The following DPP6 variants were observed in gnomAD, a reference collection of about 807,000 sequenced individuals.
DPP6 encodes the protein A-type potassium channel modulatory protein DPP6.
In DPP6, 69 loss-of-function variants were observed where a neutral mutation model predicts 122.6. That is an observed-to-expected ratio of 0.56 (90% CI 0.46 to 0.69). DPP6 has a LOEUF of 0.69. DPP6 is among the 30% of genes least tolerant of loss of function. The probability of loss-of-function intolerance (pLI) is 0.00; values close to 1 mark genes in which losing one functional copy is unlikely to be tolerated. For missense variants in DPP6, 928 were observed against 1,116.9 expected, an observed-to-expected ratio of 0.83 and a Z score of 2.41; for synonymous variants, 418 against 433.1, an observed-to-expected ratio of 0.97 and a Z score of 0.43.
chr7:154,549,985 A>G (rs1397379665), intron 4 of DPP6, among the ~76,000 whole-genome samples: 1 of 152,244 alleles, frequency 6.6e-6, no homozygotes, highest in Non-Finnish European at 1.5e-5. Context: ...TCCTTTATTT[A>G]TAATTTTTAG....
At chr7:153,993,835 AC>A (rs761401361) in intron 1 of DPP6, among the ~76,000 whole-genome samples, 2 of 152,188 alleles carry the variant, frequency 1.3e-5, no homozygotes, top group Non-Finnish European at 2.9e-5. Context: ...TTTCCCAGCC[AC>A]CCAGTACATC....
intron 4 of DPP6, among the ~76,000 whole-genome samples, chr7:154,553,206 A>G (rs1216104644): frequency 1.3e-5 from 2 of 152,248 alleles, no homozygotes; most frequent in East Asian, 1.9e-4. Context: ...GGCTTTGAAG[A>G]CACAGGAGAA....
chr7:153,877,609 G>A, the DPP6 span, among the ~76,000 whole-genome samples: 1 of 152,140 alleles, frequency 6.6e-6, no homozygotes, highest in African/African-American at 2.4e-5. Context: ...TATGTTGACT[G>A]AAATGTTATG....
chr7:154,183,185 A>T (rs1318692194), intron 1 of DPP6, among the ~76,000 whole-genome samples: 1 of 151,990 alleles, frequency 6.6e-6, no homozygotes, highest in Non-Finnish European at 1.5e-5. Context: ...TGGTTTCATG[A>T]AGCTGATTTT....
chr7:154,461,754 A>C (rs1391705175), intron 2 of DPP6, among the ~76,000 whole-genome samples: 1 of 152,168 alleles, frequency 6.6e-6, no homozygotes, highest in Non-Finnish European at 1.5e-5. Flanking sequence ...CTCCATATAT[A>C]TTCTGCTTGT....
intron 16 of DPP6, among the ~76,000 whole-genome samples, chr7:154,831,412 G>C (rs1373667524): frequency 2.0e-5 from 3 of 152,184 alleles, no homozygotes; most frequent in East Asian, 3.9e-4. Flanking sequence ...ATTTAAAAAG[G>C]GGAAAAAAAA....
chr7:154,677,967 G>T (rs1839021192), intron 7 of DPP6, among the ~76,000 whole-genome samples: 1 of 152,218 alleles, frequency 6.6e-6, no homozygotes, highest in Non-Finnish European at 1.5e-5. Context: ...ACCAATCAGA[G>T]CTCTGTCTAG....
intron 1 of DPP6, among the ~76,000 whole-genome samples, chr7:154,003,259 C>A (rs915570083): frequency 6.6e-6 from 1 of 152,110 alleles, no homozygotes; most frequent in Non-Finnish European, 1.5e-5. Flanking sequence ...AGGATAGCAT[C>A]CAAAGTGACT....
At chr7:154,123,747 G>T (rs1476557981) in intron 1 of DPP6, among the ~76,000 whole-genome samples, 1 of 134,538 alleles carries the variant, frequency 7.4e-6, no homozygotes. Context: ...CTGCCCGCTC[G>T]TGGGGCTTAC....
At chr7:153,945,207 G>A (rs963758578) in intron 1 of DPP6, among the ~76,000 whole-genome samples, 3 of 152,154 alleles carry the variant, frequency 2.0e-5, no homozygotes, top group East Asian at 3.9e-4. Flanking sequence ...GAATGATCTT[G>A]TTTCTGTTTA....
chr7:153,886,874 C>G (rs1324924740), upstream of DPP6, among the ~76,000 whole-genome samples: 3 of 152,150 alleles, frequency 2.0e-5, no homozygotes, highest in Non-Finnish European at 1.5e-5. Flanking sequence ...CGGGCGCAGC[C>G]GATCAATAGT....
intron 1 of DPP6, among the ~76,000 whole-genome samples, chr7:154,376,261 C>T (rs1813123652): frequency 6.6e-6 from 1 of 152,192 alleles, no homozygotes; most frequent in African/African-American, 2.4e-5. Context: ...TGTAATTGTG[C>T]TGGAAGGACT....
At chr7:154,626,058 G>A in intron 5 of DPP6, among the ~76,000 whole-genome samples, 1 of 152,114 alleles carries the variant, frequency 6.6e-6, no homozygotes, top group Non-Finnish European at 1.5e-5. Flanking sequence ...GCCAGTAGAA[G>A]ACAGGGATAT....
chr7:154,381,752 T>C (rs901382081), intron 1 of DPP6, among the ~76,000 whole-genome samples: 1 of 152,250 alleles, frequency 6.6e-6, no homozygotes, highest in African/African-American at 2.4e-5. Context: ...AGTATTTGTA[T>C]GTATCCATGT....
intron 1 of DPP6, among the ~76,000 whole-genome samples, chr7:154,006,236 C>G (rs576341767): frequency 1.3e-5 from 2 of 152,142 alleles, no homozygotes; most frequent in Non-Finnish European, 2.9e-5. Flanking sequence ...ACAGTGGGCT[C>G]ACATCACAGA....
At chr7:153,900,661 A>G (rs1359047220) in intron 1 of DPP6, among the ~76,000 whole-genome samples, 1 of 152,132 alleles carries the variant, frequency 6.6e-6, no homozygotes, top group East Asian at 1.9e-4. Context: ...TGCCTCCATG[A>G]CCCAAATACC....
rs532319863 is a variant in DPP6, at chr7:154,628,451, G to A, written c.628-9370G>A. On this transcript the variant is annotated intron_variant, in intron 5 of 25. Transcript: ENST00000377770. ...TCAGGTAGCTTTGTTTCCAGACTCA[G>A]CCAACCTGGTCATCTTCTCTGGAGT... Among the ~76,000 whole-genome samples the A allele has an allele frequency of 3.0e-4, 45 of 152,260 alleles. 1 individual carries two copies. In the South Asian group the frequency reaches 9.1e-3, roughly 31 times the overall value.
At position 154,863,329 on chromosome 7, in the gene DPP6, C is replaced by T. The variant is rs1406979099; in HGVS notation, c.1715-4666C>T. On this transcript the variant is annotated intron_variant, in intron 17 of 25. Coordinates refer to ENST00000377770, the MANE Select transcript of DPP6 (RefSeq NM_130797.4). This position sits in a 1 kb window ranked among gnomAD's most constrained non-coding sequence, Gnocchi z 4.1. The stretch of plus-strand genomic sequence containing the variant: ...TTAGCATCTTGGCCCCAAGATTCTA[C>T]AATCCTTTCATAGGATTTTTTTTTT... Among the ~76,000 whole-genome samples, 2 of 151,110 alleles carry T rather than the reference C, an allele frequency of 1.3e-5. No homozygotes were observed. The highest frequency in any genetic ancestry group is 4.2e-4 in the South Asian group (2 of 4,774).
At chr7:153,859,743 C>T in the DPP6 span, among the ~76,000 whole-genome samples, 2 of 151,930 alleles carry the variant, frequency 1.3e-5, no homozygotes, top group African/African-American at 2.4e-5. Context: ...TTCTGCATGG[C>T]TGGAGAGGCC....
Sources: allele counts gnomAD v4.1 joint callset (sites outside exome capture counted in the v4.1 genomes callset), GRCh38; gene constraint gnomAD v4.1.1; non-coding constraint Gnocchi (gnomAD v3.1); transcripts MANE v1.5; gene names NCBI Gene and HGNC (gene_info 2026-07-23, HGNC 2026-07-21).